The following PLEKHA5 variants were observed in gnomAD, a reference collection of about 807,000 sequenced individuals.
PLEKHA5 encodes pleckstrin homology domain containing A5, also known as pleckstrin homology domain-containing family A member 5.
A neutral mutation model predicts 181.9 loss-of-function variants in PLEKHA5; 55 were observed. That is an observed-to-expected ratio of 0.30 (90% CI 0.24 to 0.38). The LOEUF is 0.38. PLEKHA5 is among the 10% of genes least tolerant of loss of function. The pLI is 1.00. For synonymous variants in PLEKHA5, 535 were observed against 529.4 expected (o/e 1.01, Z -0.15); for missense variants, 1,432 against 1,549.5 (o/e 0.92, Z 1.27).
chr12:19,253,869 C>A, intron 3 of PLEKHA5, 71 bp from the exon 4 acceptor site: 1 of 910,694 alleles, frequency 1.1e-6, no homozygotes, highest in Admixed American at 2.1e-5. Flanking sequence ...CCTTTGTAGA[C>A]TAATGTTACA....
At chr12:19,180,131 A>C (rs1002703825) in intron 3 of PLEKHA5, among the ~76,000 whole-genome samples, 4 of 152,166 alleles carry the variant, frequency 2.6e-5, no homozygotes, top group Non-Finnish European at 4.4e-5. Flanking sequence ...GCTGGTGATT[A>C]TTTTTTAGAG....
intron 3 of PLEKHA5, among the ~76,000 whole-genome samples, chr12:19,143,607 T>C (rs2038055027): frequency 2.0e-5 from 3 of 152,170 alleles, no homozygotes; most frequent in African/African-American, 7.2e-5. Context: ...ATGCATGTAT[T>C]ATATGTAATT....
At chr12:19,145,591 G>A (rs1312227869) in intron 3 of PLEKHA5, among the ~76,000 whole-genome samples, 1 of 151,922 alleles carries the variant, frequency 6.6e-6, no homozygotes, top group Non-Finnish European at 1.5e-5. Flanking sequence ...CTGGTTAAAG[G>A]TCAATATCGT....
At chr12:19,320,733 A>G in intron 18 of PLEKHA5, 109 bp downstream of exon 18, 1 of 548,234 alleles carries the variant, frequency 1.8e-6, no homozygotes, top group Non-Finnish European at 3.3e-6. Flanking sequence ...CTCCAAAGTG[A>G]CATCAGGTAA....
chr12:19,220,338 A>G (rs1033896448), intron 3 of PLEKHA5, among the ~76,000 whole-genome samples: 1 of 152,188 alleles, frequency 6.6e-6, no homozygotes, highest in Admixed American at 6.5e-5. Context: ...GAAATGCCCA[A>G]TACTTCCTGA....
intron 3 of PLEKHA5, chr12:19,150,188 A>G (rs554904085): frequency 8.5e-4 from 130 of 152,310 alleles, no homozygotes; most frequent in African/African-American, 3.0e-3. Flanking sequence ...CCTCTTTATT[A>G]AAACTGTTAA....
chr12:19,177,882 CT>C (rs1340235217), intron 3 of PLEKHA5, among the ~76,000 whole-genome samples: 2 of 152,204 alleles, frequency 1.3e-5, no homozygotes, highest in Non-Finnish European at 1.5e-5. Flanking sequence ...GCCATGATTA[CT>C]TTTCTGTGAT....
At chr12:19,325,138 T>C (rs1479338276) in intron 20 of PLEKHA5, among the ~76,000 whole-genome samples, 2 of 152,228 alleles carry the variant, frequency 1.3e-5, no homozygotes, top group African/African-American at 4.8e-5. Context: ...ACGCCTGTAA[T>C]CTCAGTACTT....
intron 3 of PLEKHA5, among the ~76,000 whole-genome samples, chr12:19,141,173 C>T (rs1476882951): frequency 6.6e-6 from 1 of 152,188 alleles, no homozygotes; most frequent in African/African-American, 2.4e-5. Flanking sequence ...CCACCCCTCC[C>T]CCCCAACAGA....
chr12:19,265,831 A>G lies in PLEKHA5; in HGVS notation c.692A>G (p.Asn231Ser). ...IALLTSEDHI[N>S]RKYAFKAAHP... ...TTGCTTACCTCTGAAGATCACATTA[A>G]TCGCAAATATGCTTTTAAGGTAAGG... Residue 231 changes from asparagine to serine, a missense_variant, in exon 8 of 32, where the codon AAT becomes AGT. By Grantham distance (46) the Asn-to-Ser change is conservative. Coordinates refer to ENST00000429027, the MANE Select transcript of PLEKHA5 (RefSeq NM_001256470.2). 1 of 1,591,152 alleles carries G rather than the reference A, an allele frequency of 6.3e-7. No individual in the cohort carries two copies. Among genetic ancestry groups the G allele is most frequent in the South Asian group, 1.1e-5 (1 of 89,698 alleles).
chr12:19,324,958 C>T (rs1295811376), intron 20 of PLEKHA5, among the ~76,000 whole-genome samples: 1 of 152,216 alleles, frequency 6.6e-6, no homozygotes, highest in African/African-American at 2.4e-5. Flanking sequence ...TTGGTATCTG[C>T]TCTTGAAATT....
At chr12:19,267,465 G>T (rs888775594) in intron 8 of PLEKHA5, among the ~76,000 whole-genome samples, 1 of 151,392 alleles carries the variant, frequency 6.6e-6, no homozygotes, top group African/African-American at 2.4e-5. Context: ...TTTGAGACCA[G>T]CCTGGCCAAC....
rs2094367149 is a variant in PLEKHA5, at chr12:19,347,023, A to G, written c.2739A>G (p.Pro913=). The change falls in exon 24 of 32, where the codon CCA becomes CCG. Residue 913 remains proline, a synonymous_variant. Transcript: ENST00000429027. The part of the protein sequence containing the change: ...EEEEVVPPRP[P]LPRSYDFTEQ... ...AGGAAGTAGTCCCACCTCGTCCTCCACTTCCTCGGTCCTATGACTTTACAG... is the reference window on the plus strand; with the variant it reads ...AGGAAGTAGTCCCACCTCGTCCTCCGCTTCCTCGGTCCTATGACTTTACAG... The G allele has an allele frequency of 1.3e-6, 2 of 1,550,272 alleles. No homozygotes were observed. The highest frequency in any genetic ancestry group is 8.7e-7 in the Non-Finnish European group (1 of 1,146,144).
chr12:19,240,443 T>G (rs1052513063), intron 3 of PLEKHA5, among the ~76,000 whole-genome samples: 5 of 148,782 alleles, frequency 3.4e-5, no homozygotes, highest in Admixed American at 1.3e-4. Context: ...TTAGGGAGTT[T>G]TTTTTTTTTT....
intron 3 of PLEKHA5, among the ~76,000 whole-genome samples, chr12:19,159,539 TTC>T (rs1354187504): frequency 1.3e-5 from 2 of 152,200 alleles, no homozygotes; most frequent in Non-Finnish European, 2.9e-5. Flanking sequence ...ACTTCTGCTG[TTC>T]TGTTATTCTG....
chr12:19,338,500 G>A (rs765350751), intron 21 of PLEKHA5, among the ~76,000 whole-genome samples: 21 of 151,874 alleles, frequency 1.4e-4, no homozygotes, highest in African/African-American at 2.2e-4. Context: ...CCAGCTACTT[G>A]GAAGGCTGAG....
At position 19,165,436 on chromosome 12, in the gene PLEKHA5, T is replaced by G. The variant is rs569541500; in HGVS notation, c.227+32986T>G. On this transcript the variant is annotated intron_variant, in intron 3 of 31. Coordinates refer to ENST00000429027, the MANE Select transcript of PLEKHA5 (RefSeq NM_001256470.2). ...TACCTCACCTCTTTTCTGTGTACTC[T>G]ATTTTTTTTTTTTTTAATTTATGAA... Among the ~76,000 whole-genome samples the G allele has an allele frequency of 1.7e-4, 25 of 147,160 alleles. No individual in the cohort carries two copies. The East Asian group carries it at 4.9e-3, about 29-fold the overall frequency.
intron 8 of PLEKHA5, among the ~76,000 whole-genome samples, chr12:19,269,392 A>AAAAG (rs1555139450): frequency 7.1e-6 from 1 of 140,830 alleles, no homozygotes; most frequent in East Asian, 2.0e-4. Context: ...GTCTCAAAAA[A>AAAAG]AAGAAAAAAA....
intron 3 of PLEKHA5, among the ~76,000 whole-genome samples, chr12:19,156,748 A>G (rs919097553): frequency 6.6e-6 from 1 of 151,806 alleles, no homozygotes; most frequent in African/African-American, 2.4e-5. Context: ...AAATGTAGTT[A>G]AAAAAAACTG....
Sources: gnomAD v4.1 joint callset for allele counts (sites outside exome capture counted in the v4.1 genomes callset) on GRCh38, gnomAD v4.1.1 for gene constraint, MANE v1.5 for transcripts, NCBI Gene and HGNC (gene_info 2026-07-23, HGNC 2026-07-21) for gene names.